Variants in INPP5D observed in about 807,000 individuals in gnomAD.
INPP5D encodes the protein inositol polyphosphate-5-phosphatase D, also known as phosphatidylinositol 3,4,5-trisphosphate 5-phosphatase 1.
In INPP5D, 33 loss-of-function variants were observed where a neutral mutation model predicts 122.9. The ratio of observed to expected loss-of-function variants is 0.27; its 90% CI spans 0.20 to 0.36. INPP5D has a LOEUF of 0.36. Among genes scored for constraint, INPP5D ranks in the 10% least tolerant of loss-of-function variants. INPP5D has a pLI of 1.00. For synonymous variants in INPP5D, 584 were observed against 576.2 expected (o/e 1.01, Z -0.19); for missense variants, 1,053 against 1,412.7 (o/e 0.75, Z 4.08).
At chr2:233,080,946 G>A (rs983338526) in intron 2 of INPP5D, among the ~76,000 whole-genome samples, 4 of 152,196 alleles carry the variant, frequency 2.6e-5, no homozygotes, top group Non-Finnish European at 2.9e-5. Flanking sequence ...TAGGAGATGC[G>A]AGTTTAGGCT....
At chr2:233,089,821 A>G (rs1416639745) in intron 2 of INPP5D, among the ~76,000 whole-genome samples, 1 of 152,324 alleles carries the variant, frequency 6.6e-6, no homozygotes, top group Non-Finnish European at 1.5e-5. Flanking sequence ...AATTTTCAAG[A>G]TTAGACTCTG....
At chr2:233,143,477 A>G (rs1384482843) in intron 6 of INPP5D, among the ~76,000 whole-genome samples, 1 of 152,148 alleles carries the variant, frequency 6.6e-6, no homozygotes, top group Non-Finnish European at 1.5e-5. Flanking sequence ...TTTATGAGAT[A>G]AATAACCCTA....
chr2:233,178,859 C>T (rs1335112693), intron 18 of INPP5D, among the ~76,000 whole-genome samples: 1 of 152,132 alleles, frequency 6.6e-6, no homozygotes, highest in East Asian at 1.9e-4. Flanking sequence ...GTCCTTGGAG[C>T]AAGGAGAGGG....
rs978528997 is a variant in INPP5D, at chr2:233,164,255, TGGTTCAC to T, written c.1438-51_1438-45del. 6.0e-6 allele frequency: 9 copies of T among 1,506,790 alleles called. No individual in the cohort carries two copies. The African/African-American group carries it at 1.1e-4, about 18-fold the overall frequency. The allele number at this position is 1,506,790 out of a possible 1,614,324, so 93.3% of individuals were successfully genotyped here. On this transcript the variant is annotated intron_variant, in intron 12 of 26. Transcript: ENST00000445964. The surrounding 1 kb of genome is among the most constrained non-coding windows in gnomAD (Gnocchi z 4.3). ...GGGCTGGGTGTGAATCACTGTGCCC[TGGTTCAC>T]ACCCTACACTTGGGCCGAGTATTGC... is the stretch of plus-strand genomic sequence containing the variant.
chr2:233,068,021 C>G (rs1429022735), intron 1 of INPP5D, among the ~76,000 whole-genome samples: 2 of 152,104 alleles, frequency 1.3e-5, no homozygotes, highest in African/African-American at 4.8e-5. Context: ...CAAGGTGGCT[C>G]ATGCCTGTAA....
chr2:233,086,825 G>A (rs776742074), intron 2 of INPP5D, among the ~76,000 whole-genome samples: 1 of 152,098 alleles, frequency 6.6e-6, no homozygotes, highest in Non-Finnish European at 1.5e-5. Context: ...ATTGAATATC[G>A]AGTTTCACTG....
At chr2:233,163,953 TC>T (rs1694258372) in intron 12 of INPP5D, 50 bp downstream of exon 12, 1 of 1,591,162 alleles carries the variant, frequency 6.3e-7, no homozygotes, top group Non-Finnish European at 8.6e-7. Context: ...GAATCTTTGC[TC>T]GGCTGGGCTG....
chr2:233,065,868 A>C (rs1216656377), intron 1 of INPP5D, among the ~76,000 whole-genome samples: 2 of 150,554 alleles, frequency 1.3e-5, no homozygotes, highest in African/African-American at 4.9e-5. Context: ...GCTGGTCTCA[A>C]ACTCCTGACC....
At chr2:233,141,923 C>T (rs1318297836) in intron 6 of INPP5D, among the ~76,000 whole-genome samples, 2 of 152,154 alleles carry the variant, frequency 1.3e-5, no homozygotes, top group African/African-American at 2.4e-5. Flanking sequence ...ACTTGTGCAA[C>T]TTTCAAAATT....
chr2:233,147,652 C>T (rs1310536883), intron 9 of INPP5D, 58 bp downstream of exon 9: 14 of 694,724 alleles, frequency 2.0e-5, no homozygotes. Context: ...AATTCCTGCC[C>T]TCTCAGCTCA....
intron 26 of INPP5D, chr2:233,205,670 A>G (rs1269174013): frequency 6.6e-6 from 1 of 152,058 alleles, no homozygotes; most frequent in Non-Finnish European, 1.5e-5. Context: ...CCTCATTGTT[A>G]TTATTAAGTC....
intron 13 of INPP5D, among the ~76,000 whole-genome samples, chr2:233,166,192 G>A (rs1027501840): frequency 2.6e-5 from 4 of 152,034 alleles, no homozygotes; most frequent in South Asian, 2.1e-4. Context: ...GGATTCCATC[G>A]CTCCCTGGGC....
chr2:233,079,463 TAAACGATGAGG>T lies in INPP5D; in HGVS notation c.198+68_198+78del, dbSNP rs988224150. On this transcript the variant is annotated intron_variant, in intron 2 of 26. Transcript: ENST00000445964. ...AGCCGATACTGGCAGAGAAAGGGTGTAAACGATGAGGAAGGAAGTGCACGCGCAGGTAGCCG... is the reference window on the plus strand; with the variant it reads ...AGCCGATACTGGCAGAGAAAGGGTGTAAGGAAGTGCACGCGCAGGTAGCCG... 47 of 1,064,150 alleles carry T rather than the reference TAAACGATGAGG, an allele frequency of 4.4e-5. No individual in the cohort carries two copies. In the African/African-American group the frequency reaches 6.1e-4, roughly 14 times the overall value. 65.9% of individuals were successfully genotyped at this position (1,064,150 alleles called of 1,614,324 possible). A position where few individuals can be genotyped will look rare whatever the true frequency, so the allele number is the denominator to read the frequency against.
At chr2:233,104,093 C>A (rs1341633982) in intron 2 of INPP5D, among the ~76,000 whole-genome samples, 1 of 148,756 alleles carries the variant, frequency 6.7e-6, no homozygotes, top group Non-Finnish European at 1.5e-5. Flanking sequence ...TCACTGCAAC[C>A]TCTGCCTCCC....
At chr2:233,173,909 G>A (rs1694555019) in intron 17 of INPP5D, among the ~76,000 whole-genome samples, 1 of 151,842 alleles carries the variant, frequency 6.6e-6, no homozygotes, top group African/African-American at 2.4e-5. Flanking sequence ...CTCCTGCCTG[G>A]AGCAAGGCTC....
At chr2:233,158,916 G>A (rs1179233943) in intron 10 of INPP5D, among the ~76,000 whole-genome samples, 2 of 152,134 alleles carry the variant, frequency 1.3e-5, no homozygotes, top group African/African-American at 4.8e-5. Flanking sequence ...GGTGAGACAA[G>A]TAGCTGAGAC....
At chr2:233,108,976 G>T (rs1257543202) in intron 2 of INPP5D, among the ~76,000 whole-genome samples, 1 of 152,232 alleles carries the variant, frequency 6.6e-6, no homozygotes, top group Non-Finnish European at 1.5e-5. Context: ...ACCCACAAAA[G>T]AGTGCACACC....
In INPP5D at chr2:233,137,969, A is replaced by ATGAGATTATATTGTATTAATAATG. The variant is rs1559313625; in HGVS notation, c.666-1872_666-1871insGAGATTATATTGTATTAATAATGT. On this transcript the variant is annotated intron_variant, in intron 5 of 26. Transcript: ENST00000445964. Reference sequence around the variant, plus strand: ...TGATATAATGATATTATATTATAATATAATGAGATTATATTGTATTAATAA... The same window carrying ATGAGATTATATTGTATTAATAATG: ...TGATATAATGATATTATATTATAATATGAGATTATATTGTATTAATAATGTAATGAGATTATATTGTATTAATAA... Among the ~76,000 whole-genome samples the ATGAGATTATATTGTATTAATAATG allele has an allele frequency of 7.1e-3, 321 of 45,450 alleles. 1 individual carries two copies. Among genetic ancestry groups the ATGAGATTATATTGTATTAATAATG allele is most frequent in the African/African-American group, 0.027 (303 of 11,154 alleles). The allele number at this position is 45,450 out of a possible 152,430, so 29.8% of individuals were successfully genotyped here. A position where few individuals can be genotyped will look rare whatever the true frequency, so the allele number is the denominator to read the frequency against.
At chr2:233,181,866 C>T (rs181786866) in intron 18 of INPP5D, among the ~76,000 whole-genome samples, 116 of 152,220 alleles carry the variant, frequency 7.6e-4, no homozygotes, top group Non-Finnish European at 1.5e-3. Flanking sequence ...GAGGCCGAGG[C>T]GAGTGGATCA....
Sources: gnomAD v4.1 joint callset for allele counts (sites outside exome capture counted in the v4.1 genomes callset) on GRCh38, gnomAD v4.1.1 for gene constraint, Gnocchi (gnomAD v3.1) non-coding constraint, MANE v1.5 for transcripts, NCBI Gene and HGNC (gene_info 2026-07-23, HGNC 2026-07-21) for gene names.